RADIL: variants seen among roughly 807,000 people sequenced by gnomAD.
The protein encoded by RADIL is Rap associating with DIL domain.
Under a neutral mutation model 97.6 loss-of-function variants are expected in RADIL, and 99 were observed. The ratio of observed to expected loss-of-function variants is 1.01; its 90% CI spans 0.86 to 1.20. RADIL has a LOEUF of 1.20. Ranked by LOEUF, RADIL falls within the 50% of genes most tolerant of loss-of-function variation. The pLI is 0.00. For missense variants in RADIL, 1,765 were observed against 1,498.9 expected (o/e 1.18, Z -2.93); for synonymous variants, 803 against 691.8 (o/e 1.16, Z -2.52).
At chr7:4,804,471 T>C (rs910769869) in intron 10 of RADIL, among the ~76,000 whole-genome samples, 2 of 152,192 alleles carry the variant, frequency 1.3e-5, no homozygotes, top group African/African-American at 2.4e-5. Flanking sequence ...TGAAGGGAGA[T>C]GTGTGTATAA....
At chr7:4,846,440 C>T (rs1198196041) in intron 2 of RADIL, among the ~76,000 whole-genome samples, 8 of 151,576 alleles carry the variant, frequency 5.3e-5, no homozygotes, top group African/African-American at 1.5e-4. Flanking sequence ...CCACCGCGCC[C>T]GGCCCTATTG....
In RADIL at chr7:4,799,419, C is replaced by A. The variant is rs777738467; in HGVS notation, c.3187G>T (p.Glu1063Ter). Residue 1063 changes from glutamate to a stop codon, truncating the protein, a stop_gained, in exon 15 of 15, where the codon GAA (glutamate) becomes TAA (stop). Transcript: ENST00000399583. LOFTEE classifies it high-confidence loss of function. ...CGGAAATGGATCTTCTTGGCTGTTTCCACGTCGGACTTCGCGACCAGGAAC... is the reference window on the plus strand; with the variant it reads ...CGGAAATGGATCTTCTTGGCTGTTTACACGTCGGACTTCGCGACCAGGAAC... Reference protein sequence around the residue: ...MRFLVAKSDVETAKKIHFRTP... With the variant: ...MRFLVAKSDV 6.2e-7 allele frequency: 1 copy of A among 1,613,842 alleles called. No individual in the cohort carries two copies. Among genetic ancestry groups the A allele is most frequent in the Non-Finnish European group, 8.5e-7 (1 of 1,179,994 alleles).
At chr7:4,802,617 C>T (rs1349831094) in intron 11 of RADIL, among the ~76,000 whole-genome samples, 1 of 125,142 alleles carries the variant, frequency 8.0e-6, no homozygotes, top group African/African-American at 2.9e-5. Flanking sequence ...TACCTCGGGG[C>T]ATGCTGGCTG....
Position 4,822,659 on chromosome 7 carries a change from A to G in RADIL, c.1455-105T>C, listed in dbSNP as rs1782866751. 1 of 1,284,530 alleles carries G rather than the reference A, an allele frequency of 7.8e-7. No individual in the cohort carries two copies. The highest frequency in any genetic ancestry group is 1.1e-6 in the Non-Finnish European group (1 of 932,984). The allele number at this position is 1,284,530 out of a possible 1,614,324, so 79.6% of individuals were successfully genotyped here. A position where few individuals can be genotyped will look rare whatever the true frequency, so the allele number is the denominator to read the frequency against. ...ATGCGCGTTTTCATGGGACGCTGAC[A>G]ACAACTGCAACCATCAACCTGACAC... On this transcript the variant is annotated intron_variant, in intron 5 of 14. Transcript: ENST00000399583. The surrounding 1 kb of genome is among the most constrained non-coding windows in gnomAD (Gnocchi z 5.3).
At position 4,842,520 on chromosome 7, in the gene RADIL, G is replaced by A. The variant is rs1043179146; in HGVS notation, c.536-5915C>T. On this transcript the variant is annotated intron_variant, in intron 2 of 14. Transcript: ENST00000399583. This position sits in a 1 kb window ranked among gnomAD's most constrained non-coding sequence, Gnocchi z 4.5. ...CAGAGAGGGCAGGGCTCTGCGTGCC[G>A]GGGGTGCACAGGGAAACTGGACAAG... 1.2e-4 allele frequency among the ~76,000 whole-genome samples: 18 copies of A among 152,126 alleles called. No individual in the cohort carries two copies. The highest frequency in any genetic ancestry group is 3.1e-4 in the African/African-American group (13 of 41,432).
intron 2 of RADIL, among the ~76,000 whole-genome samples, chr7:4,841,089 T>A (rs752799499): frequency 2.0e-5 from 3 of 152,226 alleles, no homozygotes; most frequent in Non-Finnish European, 4.4e-5. Flanking sequence ...GGGAAGTTAT[T>A]CATCTTAAAT....
In RADIL at chr7:4,800,313, G is replaced by A. The variant is rs1782038886; in HGVS notation, c.2843-3C>T. On this transcript the variant is annotated splice_region_variant and splice_polypyrimidine_tract_variant and intron_variant, in intron 12 of 14. Coordinates refer to ENST00000399583, the MANE Select transcript of RADIL (RefSeq NM_018059.5). ...CTCCGCAAGGGCTGCAGAGTCTCCT[G>A]GGTGGGGGCCAGGAAAGGTGGGTGG... The A allele has an allele frequency of 2.1e-6, 3 of 1,448,704 alleles. No homozygotes were observed. Among genetic ancestry groups the A allele is most frequent in the East Asian group, 2.7e-5 (1 of 36,854 alleles). 89.7% of individuals were successfully genotyped at this position (1,448,704 alleles called of 1,614,324 possible).
chr7:4,832,034 C>T, intron 5 of RADIL, 107 bp downstream of exon 5: 2 of 1,190,952 alleles, frequency 1.7e-6, no homozygotes, highest in Non-Finnish European at 2.4e-6. Context: ...AAGCCCAGAG[C>T]TGACCCCAAG....
intron 5 of RADIL, among the ~76,000 whole-genome samples, chr7:4,825,231 C>T (rs963435944): frequency 5.9e-5 from 9 of 152,188 alleles, no homozygotes; most frequent in East Asian, 1.9e-4. Flanking sequence ...AGGGGCAGCA[C>T]GGCCCGGCAG....
intron 8 of RADIL, 34 bp downstream of exon 8, chr7:4,816,194 C>G (rs376640460): frequency 1.3e-6 from 2 of 1,573,272 alleles, no homozygotes; most frequent in Non-Finnish European, 1.7e-6. Context: ...GGAATGTGAG[C>G]CCCCGACCCC....
chr7:4,879,421 C>T lies in RADIL; in HGVS notation c.-64-1218G>A, dbSNP rs540666449. ...AAGGCAGGAAAATACTGGAAAACTG[C>T]GCACACATCTCCCCATTACTGTACC... On this transcript the variant is annotated intron_variant, in intron 1 of 14. Transcript: ENST00000399583. The surrounding 1 kb of genome is among the most constrained non-coding windows in gnomAD (Gnocchi z 4.1). Among the ~76,000 whole-genome samples the T allele has an allele frequency of 2.6e-5, 4 of 152,320 alleles. No individual in the cohort carries two copies. Among genetic ancestry groups the T allele is most frequent in the East Asian group, 3.9e-4 (2 of 5,182 alleles).
rs60845766 is a variant in RADIL, at chr7:4,879,042, G to T, written c.-64-839C>A. Among the ~76,000 whole-genome samples the T allele has an allele frequency of 0.015, 2,330 of 152,330 alleles. 50 individuals carry two copies. Among genetic ancestry groups the T allele is most frequent in the African/African-American group, 0.053 (2,190 of 41,568 alleles). On this transcript the variant is annotated intron_variant, in intron 1 of 14. Coordinates refer to ENST00000399583, the MANE Select transcript of RADIL (RefSeq NM_018059.5). This position sits in a 1 kb window ranked among gnomAD's most constrained non-coding sequence, Gnocchi z 4.1. ...CCCCTCAGGGCAAGAGACCCGTCCT[G>T]GCTTGAAGGAGATACTCCCTGGGAT...
rs778405482 is a variant in RADIL, at chr7:4,880,260, C to G, written c.-64-2057G>C. Among the ~76,000 whole-genome samples the G allele has an allele frequency of 2.1e-4, 32 of 152,134 alleles. No homozygotes were observed. The highest frequency in any genetic ancestry group is 7.5e-4 in the African/African-American group (31 of 41,434). ...TTCTCTTCCTCTGAGGAAGGTGCAA[C>G]GAGTGGCCTTGTCAAATCCTAAGAA... On this transcript the variant is annotated intron_variant, in intron 1 of 14. Transcript: ENST00000399583. This position sits in a 1 kb window ranked among gnomAD's most constrained non-coding sequence, Gnocchi z 4.5.
intron 5 of RADIL, among the ~76,000 whole-genome samples, chr7:4,829,152 C>T (rs1371983397): frequency 6.6e-6 from 1 of 152,240 alleles, no homozygotes; most frequent in African/African-American, 2.4e-5. Context: ...ATGTCAGGTG[C>T]CACTGTAGGG....
At position 4,831,882 on chromosome 7, in the gene RADIL, C is replaced by A. The variant is rs149844478; in HGVS notation, c.1454+259G>T. ...CAGCCTGGCGATAGAGCAAACAAAA[C>A]AAAACAAAACAAAAACAAACAAAAA... On this transcript the variant is annotated intron_variant, in intron 5 of 14. Transcript: ENST00000399583. Among the ~76,000 whole-genome samples, 1,255 of 152,102 alleles carry A rather than the reference C, an allele frequency of 8.3e-3. 23 individuals are homozygous for A. Among genetic ancestry groups the A allele is most frequent in the African/African-American group, 0.029 (1,196 of 41,474 alleles).
In RADIL at chr7:4,819,595, C is replaced by T. The variant is rs531527458; in HGVS notation, c.1616-2244G>A. ...CTGAGGCGCACACGATGGTGTGAGG[C>T]GGCGCGGGAGGGGCCTGGGTCAGAG... On this transcript the variant is annotated intron_variant, in intron 6 of 14. Coordinates refer to ENST00000399583, the MANE Select transcript of RADIL (RefSeq NM_018059.5). This position sits in a 1 kb window ranked among gnomAD's most constrained non-coding sequence, Gnocchi z 5.8. Among the ~76,000 whole-genome samples, 28 of 152,298 alleles carry T rather than the reference C, an allele frequency of 1.8e-4. No individual in the cohort carries two copies. Among genetic ancestry groups the T allele is most frequent in the Admixed American group, 7.8e-4 (12 of 15,300 alleles).
intron 9 of RADIL, among the ~76,000 whole-genome samples, chr7:4,808,079 T>C (rs1285470357): frequency 8.7e-6 from 1 of 114,398 alleles, no homozygotes; most frequent in South Asian, 3.5e-4. Flanking sequence ...CCTCTGTCTC[T>C]CTCCCCTCCC....
chr7:4,827,577 C>T (rs576382826), intron 5 of RADIL, among the ~76,000 whole-genome samples: 13 of 152,110 alleles, frequency 8.5e-5, no homozygotes, highest in Non-Finnish European at 1.6e-4. Flanking sequence ...AGGAGAATGG[C>T]GTGAACCCAG....
Position 4,834,950 on chromosome 7 carries a change from G to C in RADIL, c.1073C>G (p.Pro358Arg). The change falls in exon 4 of 15, where the codon CCC becomes CGC. Residue 358 changes from proline (P) to arginine (R), a missense_variant. Physicochemically the swap from Pro to Arg is moderately radical, Grantham distance 103. Transcript: ENST00000399583. This position sits in a 1 kb window ranked among gnomAD's most constrained non-coding sequence, Gnocchi z 6.0. ...GGCGGGCAGGGGCTGGGCCTGCGCG[G>C]GGTCCTTGAATAGCAGCAGGTAGTA... ...GLYYLLLFKDPAQAQPLPARA... is the reference protein window; with the variant it reads ...GLYYLLLFKDRAQAQPLPARA... 6.2e-7 allele frequency: 1 copy of C among 1,605,228 alleles called. No individual in the cohort carries two copies. The highest frequency in any genetic ancestry group is 1.1e-5 in the South Asian group (1 of 90,332).
Sources: allele counts gnomAD v4.1 joint callset (sites outside exome capture counted in the v4.1 genomes callset), GRCh38; gene constraint gnomAD v4.1.1; non-coding constraint Gnocchi (gnomAD v3.1); transcripts MANE v1.5; gene names NCBI Gene and HGNC (gene_info 2026-07-23, HGNC 2026-07-21).